Variants in CORIN observed in about 807,000 individuals in gnomAD.
CORIN encodes the protein atrial natriuretic peptide-converting enzyme.
Under a neutral mutation model 125.3 loss-of-function variants are expected in CORIN, and 117 were observed. The observed-to-expected ratio is 0.93, with a 90% CI of 0.80 to 1.09. CORIN has a LOEUF of 1.09. Ranked by LOEUF, CORIN falls within the 50% of genes least tolerant of loss-of-function variation. The probability of loss-of-function intolerance (pLI) is 0.00; values close to 1 mark genes in which losing one functional copy is unlikely to be tolerated. For synonymous variants in CORIN, 450 were observed against 466.4 expected (o/e 0.96, Z 0.45); for missense variants, 1,253 against 1,306.7 (o/e 0.96, Z 0.63).
At chr4:47,814,423 C>G (rs1036183737) in intron 1 of CORIN, among the ~76,000 whole-genome samples, 3 of 152,048 alleles carry the variant, frequency 2.0e-5, no homozygotes, top group Admixed American at 2.0e-4. Context: ...CCACTCTGTC[C>G]GTAGAGCAAA....
At chr4:47,771,337 G>A (rs1046612893) in intron 3 of CORIN, among the ~76,000 whole-genome samples, 2 of 152,162 alleles carry the variant, frequency 1.3e-5, no homozygotes, top group African/African-American at 4.8e-5. Context: ...AAATCAATTT[G>A]AAAGGATATC....
At position 47,600,354 on chromosome 4, in the gene CORIN, T is replaced by G. The variant is rs756192744; in HGVS notation, c.2813-7A>C. ...TCTTGCAGCTTAAATGGCACTGAAT[T>G]TTTAAAAAATAAGAATATATATATG... On this transcript the variant is annotated splice_region_variant and splice_polypyrimidine_tract_variant and intron_variant, in intron 20 of 21. Coordinates refer to ENST00000273857, the MANE Select transcript of CORIN (RefSeq NM_006587.4). 4.4e-6 allele frequency: 7 copies of G among 1,606,150 alleles called. No individual in the cohort carries two copies. The East Asian group carries it at 1.6e-4, about 36-fold the overall frequency.
In CORIN at chr4:47,600,553, C is replaced by T. The variant is rs146286761; in HGVS notation, c.2813-206G>A. On this transcript the variant is annotated intron_variant, in intron 20 of 21. Coordinates refer to ENST00000273857, the MANE Select transcript of CORIN (RefSeq NM_006587.4). ...GTTAGAAGCATTCATAGCAATTATC[C>T]GGTGAAACTCCTTTATTTTATTAAT... 2.5e-3 allele frequency among the ~76,000 whole-genome samples: 382 copies of T among 152,166 alleles called. 7 individuals are homozygous for T. The highest frequency in any genetic ancestry group is 8.6e-3 in the African/African-American group (356 of 41,514).
chr4:47,796,420 G>C (rs1172460047), intron 2 of CORIN, among the ~76,000 whole-genome samples: 1 of 152,100 alleles, frequency 6.6e-6, no homozygotes, highest in Non-Finnish European at 1.5e-5. Context: ...GCGATTGCCA[G>C]AGGGGAAGAG....
intron 11 of CORIN, among the ~76,000 whole-genome samples, chr4:47,662,907 A>T (rs1724315306): frequency 1.3e-5 from 2 of 152,178 alleles, no homozygotes; most frequent in Admixed American, 6.5e-5. Context: ...TTAGCCCAGG[A>T]ATTTGTGGTA....
chr4:47,640,048 C>G (rs1723176527), intron 16 of CORIN, among the ~76,000 whole-genome samples: 1 of 152,180 alleles, frequency 6.6e-6, no homozygotes, highest in African/African-American at 2.4e-5. Context: ...AACCACACCT[C>G]TATCTCAGAT....
chr4:47,814,753 T>C (rs1051219138), intron 1 of CORIN, among the ~76,000 whole-genome samples: 2 of 152,178 alleles, frequency 1.3e-5, no homozygotes, highest in Non-Finnish European at 2.9e-5. Flanking sequence ...TTCTGGCATG[T>C]AGTTGAAGCA....
chr4:47,690,242 A>G (rs572640631), intron 6 of CORIN, among the ~76,000 whole-genome samples: 1 of 152,316 alleles, frequency 6.6e-6, no homozygotes, highest in East Asian at 1.9e-4. Flanking sequence ...GGACAAGTCA[A>G]AGGCAGACGA....
chr4:47,748,504 A>G (rs1244739301), intron 4 of CORIN, among the ~76,000 whole-genome samples: 2 of 152,324 alleles, frequency 1.3e-5, no homozygotes, highest in Non-Finnish European at 2.9e-5. Context: ...TTATTTGTTC[A>G]AACATTTGAT....
chr4:47,735,789 G>A (rs1287362769), intron 5 of CORIN, among the ~76,000 whole-genome samples: 3 of 151,760 alleles, frequency 2.0e-5, no homozygotes, highest in African/African-American at 7.3e-5. Context: ...AAGTGGTGGT[G>A]GGCACCTGTA....
chr4:47,790,365 C>T (rs1046191223), intron 2 of CORIN: 1 of 164,962 alleles, frequency 6.1e-6, no homozygotes, highest in African/African-American at 2.4e-5. Flanking sequence ...AGGAGCCTGG[C>T]CTCTCCTGTT....
rs1228600899 is a variant in CORIN at position 47,627,857 on chromosome 4, G to A, written c.2199-1336C>T. The stretch of plus-strand genomic sequence containing the variant: ...CATTCTTAAATCAGGTATTCATAGG[G>A]CAACAAGATACTTGCATGGGGAGTG... On this transcript the variant is annotated intron_variant, in intron 16 of 21. Transcript: ENST00000273857. Among the ~76,000 whole-genome samples, 3 of 152,212 alleles carry A rather than the reference G, an allele frequency of 2.0e-5. No individual in the cohort carries two copies. In the East Asian group the frequency reaches 5.8e-4, roughly 29 times the overall value.
At chr4:47,776,667 G>A (rs2109898005) in intron 3 of CORIN, among the ~76,000 whole-genome samples, 1 of 152,224 alleles carries the variant, frequency 6.6e-6, no homozygotes, top group African/African-American at 2.4e-5. Context: ...GAGGAATTTG[G>A]AGGCCATTCC....
chr4:47,793,212 T>A (rs571165613), intron 2 of CORIN, among the ~76,000 whole-genome samples: 1 of 152,206 alleles, frequency 6.6e-6, no homozygotes, highest in African/African-American at 2.4e-5. Flanking sequence ...TTGTAGCACA[T>A]ATGCACTCAA....
intron 3 of CORIN, among the ~76,000 whole-genome samples, chr4:47,771,863 T>C (rs1251456787): frequency 6.6e-6 from 1 of 152,240 alleles, no homozygotes; most frequent in Non-Finnish European, 1.5e-5. Context: ...GTTAAGCCAA[T>C]GTCTTGCTAA....
At chr4:47,761,972 G>A (rs1438027709) in intron 4 of CORIN, among the ~76,000 whole-genome samples, 1 of 151,496 alleles carries the variant, frequency 6.6e-6, no homozygotes, top group Admixed American at 6.6e-5. Context: ...CTCTAAGTGT[G>A]TATATATATA....
At chr4:47,702,029 T>G (rs1726316468) in intron 5 of CORIN, among the ~76,000 whole-genome samples, 2 of 152,212 alleles carry the variant, frequency 1.3e-5, no homozygotes, top group Non-Finnish European at 2.9e-5. Context: ...CAGACAGATG[T>G]TTCTAAATTC....
Position 47,595,802 on chromosome 4 carries a change from C to G in CORIN, c.3048G>C (p.Gly1016=), listed in dbSNP as rs748443341. Residue 1016 remains glycine, a synonymous_variant, in exon 22 of 22, where the codon GGG becomes GGC. Coordinates refer to ENST00000273857, the MANE Select transcript of CORIN (RefSeq NM_006587.4). ...WGSVCFSKVL[G]PGVYSNVSYF... is the part of the protein sequence containing the mutation. Reference sequence around the variant, plus strand: ...ATGACACATTACTATAAACGCCAGGCCCCAGGACTTTGGAAAAGCAGACGG... The same window carrying G: ...ATGACACATTACTATAAACGCCAGGGCCCAGGACTTTGGAAAAGCAGACGG... 2 of 1,613,692 alleles carry G rather than the reference C, an allele frequency of 1.2e-6. No individual in the cohort carries two copies. Among genetic ancestry groups the G allele is most frequent in the South Asian group, 2.2e-5 (2 of 91,042 alleles).
intron 2 of CORIN, among the ~76,000 whole-genome samples, chr4:47,788,306 C>T (rs1170906888): frequency 6.6e-6 from 1 of 152,142 alleles, no homozygotes; most frequent in African/African-American, 2.4e-5. Context: ...TCTACATATG[C>T]TTGACACTTG....
Sources: allele counts gnomAD v4.1 joint callset (sites outside exome capture counted in the v4.1 genomes callset), GRCh38; gene constraint gnomAD v4.1.1; transcripts MANE v1.5; gene names NCBI Gene and HGNC (gene_info 2026-07-23, HGNC 2026-07-21).